PRKCH: variants seen among roughly 807,000 people sequenced by gnomAD.
PRKCH encodes protein kinase C eta.
In PRKCH, 28 loss-of-function variants were observed where a neutral mutation model predicts 82.5. That is an observed-to-expected ratio of 0.34 (90% CI 0.25 to 0.47). PRKCH has a LOEUF of 0.47. PRKCH is among the 20% of genes least tolerant of loss of function. The probability of loss-of-function intolerance (pLI) is 1.00; values close to 1 mark genes in which losing one functional copy is unlikely to be tolerated. For missense variants in PRKCH, 705 were observed against 881.8 expected (o/e 0.80, Z 2.54); for synonymous variants, 322 against 327.4 (o/e 0.98, Z 0.18).
At chr14:61,203,239 C>A (rs1000119604) in intron 1 of PRKCH, among the ~76,000 whole-genome samples, 4 of 152,092 alleles carry the variant, frequency 2.6e-5, no homozygotes, top group African/African-American at 7.2e-5. Flanking sequence ...AGGATGAGAT[C>A]CACATTCCCA....
chr14:61,510,854 G>C (rs1887347180), intron 10 of PRKCH, among the ~76,000 whole-genome samples: 2 of 152,126 alleles, frequency 1.3e-5, no homozygotes, highest in Non-Finnish European at 2.9e-5. Context: ...ATGGCAGTCA[G>C]ATGTCTTGAG....
intron 10 of PRKCH, among the ~76,000 whole-genome samples, chr14:61,487,121 C>T (rs4902063): frequency 0.65 from 98,638 of 152,038 alleles, 37,105 homozygotes; most frequent in Non-Finnish European, 0.84. Flanking sequence ...AGTGGGAACG[C>T]AAGCACTGCA....
intron 1 of PRKCH, among the ~76,000 whole-genome samples, chr14:61,236,903 C>T (rs1370445939): frequency 6.6e-6 from 1 of 152,008 alleles, no homozygotes; most frequent in Admixed American, 6.6e-5. Context: ...ATAATCCACC[C>T]ATTGTTTATC....
chr14:61,528,918 A>C, intron 10 of PRKCH, 157 bp from the exon 11 acceptor site: 1 of 624,188 alleles, frequency 1.6e-6, no homozygotes, highest in Non-Finnish European at 2.5e-6. Context: ...AGCACAGAGA[A>C]GTTTGTTCCT....
chr14:61,334,179 C>T (rs2045824404), intron 1 of PRKCH, among the ~76,000 whole-genome samples: 2 of 152,196 alleles, frequency 1.3e-5, no homozygotes, highest in Non-Finnish European at 2.9e-5. Flanking sequence ...GCCATCCAGT[C>T]AGTCATTCAT....
In PRKCH at chr14:61,368,058, G is replaced by A. The variant is rs551754989; in HGVS notation, c.364-23167G>A. Among the ~76,000 whole-genome samples the A allele has an allele frequency of 7.2e-5, 11 of 152,094 alleles. No individual in the cohort carries two copies. In the East Asian group the frequency reaches 2.1e-3, roughly 29 times the overall value. ...AGGTGAATCTTAGTATGAGGGCCTT[G>A]GAGGAGCTTCCAAGTGTCTGAGAGC... On this transcript the variant is annotated intron_variant, in intron 1 of 13. Transcript: ENST00000332981.
At chr14:61,291,358 T>G (rs1297063870) in intron 1 of PRKCH, among the ~76,000 whole-genome samples, 2 of 123,316 alleles carry the variant, frequency 1.6e-5, no homozygotes, top group East Asian at 2.6e-4. Context: ...TGAGACGGAG[T>G]CTCGCCCTGT....
intron 9 of PRKCH, among the ~76,000 whole-genome samples, chr14:61,472,962 A>G (rs533052590): frequency 6.6e-5 from 10 of 152,316 alleles, no homozygotes; most frequent in African/African-American, 2.2e-4. Context: ...CTTACAGTCA[A>G]AGGTCATGAT....
chr14:61,322,400 A>G lies in PRKCH; in HGVS notation c.299A>G (p.Asn100Ser). Residue 100 changes from asparagine to serine, a missense_variant, in exon 1 of 14, where the codon AAC becomes AGC. Around this residue, in one of 5 missense-constraint regions of PRKCH, gnomAD observed 246 missense variants for 308.0 expected, o/e 0.80. Coordinates refer to ENST00000332981, the MANE Select transcript of PRKCH (RefSeq NM_006255.5). ...TPLGYDHFVA[N>S]CTLQFQELLR... ...CTGGGCTACGACCACTTCGTGGCCA[A>G]CTGCACCCTGCAGTTCCAGGAGCTG... 1 of 1,610,836 alleles carries G rather than the reference A, an allele frequency of 6.2e-7. No individual in the cohort carries two copies. Among genetic ancestry groups the G allele is most frequent in the Non-Finnish European group, 8.5e-7 (1 of 1,177,812 alleles).
chr14:61,488,045 C>G (rs1002126378), intron 10 of PRKCH, among the ~76,000 whole-genome samples: 3 of 151,646 alleles, frequency 2.0e-5, no homozygotes, highest in African/African-American at 7.3e-5. Flanking sequence ...CCCAGCTACT[C>G]GGGAGGCTGA....
At chr14:61,389,807 G>A (rs1448104308) in intron 1 of PRKCH, among the ~76,000 whole-genome samples, 1 of 152,144 alleles carries the variant, frequency 6.6e-6, no homozygotes, top group Non-Finnish European at 1.5e-5. Context: ...TCCAGAACCA[G>A]CTGTGACAGA....
chr14:61,289,383 G>A (rs2045341765), intron 1 of PRKCH, among the ~76,000 whole-genome samples: 1 of 152,200 alleles, frequency 6.6e-6, no homozygotes, highest in Non-Finnish European at 1.5e-5. Context: ...TCCAGAAAAT[G>A]AACCTAGAAT....
At chr14:61,343,939 T>A (rs1225721138) in intron 1 of PRKCH, among the ~76,000 whole-genome samples, 1 of 152,244 alleles carries the variant, frequency 6.6e-6, no homozygotes, top group Non-Finnish European at 1.5e-5. Context: ...ATGTTTATGC[T>A]GCACAAGGCC....
chr14:61,255,781 T>C (rs1168437750), intron 1 of PRKCH, among the ~76,000 whole-genome samples: 1 of 152,178 alleles, frequency 6.6e-6, no homozygotes, highest in African/African-American at 2.4e-5. Flanking sequence ...AACAGTCTTC[T>C]CACCTGGTCT....
At chr14:61,199,208 A>G (rs1232935384) in intron 1 of PRKCH, among the ~76,000 whole-genome samples, 2 of 152,256 alleles carry the variant, frequency 1.3e-5, no homozygotes, top group Non-Finnish European at 2.9e-5. Context: ...AATCACCATG[A>G]CATTTAGCAC....
At position 61,536,101 on chromosome 14, in the gene PRKCH, A is replaced by G. The variant is rs932626366; in HGVS notation, c.1761+5506A>G. On this transcript the variant is annotated intron_variant, in intron 12 of 13. Transcript: ENST00000332981. Reference sequence around the variant, plus strand: ...AGAAAGAGCTAATGATGTGAGCCACATACAAGCTCCCCTGTGGATCCTGGC... The same window carrying G: ...AGAAAGAGCTAATGATGTGAGCCACGTACAAGCTCCCCTGTGGATCCTGGC... Among the ~76,000 whole-genome samples the G allele has an allele frequency of 3.3e-5, 5 of 152,354 alleles. No individual in the cohort carries two copies. The South Asian group carries it at 6.2e-4, about 19-fold the overall frequency.
chr14:61,349,453 G>A (rs116083992), intron 1 of PRKCH, among the ~76,000 whole-genome samples: 3,718 of 152,290 alleles, frequency 0.024, 142 homozygotes, highest in African/African-American at 0.084. Context: ...AAAAGGGAAA[G>A]GAAGAGTCTG....
At chr14:61,410,743 G>A (rs892241738) in intron 2 of PRKCH, among the ~76,000 whole-genome samples, 1 of 152,164 alleles carries the variant, frequency 6.6e-6, no homozygotes, top group Admixed American at 6.5e-5. Flanking sequence ...CAACGCACCC[G>A]ACCTCTATCC....
chr14:61,331,745 C>T (rs2045792186), intron 1 of PRKCH, among the ~76,000 whole-genome samples: 1 of 152,170 alleles, frequency 6.6e-6, no homozygotes, highest in Non-Finnish European at 1.5e-5. Context: ...GCCTCTGCTT[C>T]CATGTGTTAG....
Sources: gnomAD v4.1 joint callset for allele counts (sites outside exome capture counted in the v4.1 genomes callset) on GRCh38, gnomAD v4.1.1 for gene constraint, gnomAD v4.1.1 regional missense constraint, MANE v1.5 for transcripts, NCBI Gene and HGNC (gene_info 2026-07-23, HGNC 2026-07-21) for gene names.